SNURF: variants seen among roughly 807,000 people sequenced by gnomAD.
SNURF encodes the protein SNRPN upstream open reading frame.
A neutral mutation model predicts 11.6 loss-of-function variants in SNURF; 6 were observed. That is an observed-to-expected ratio of 0.52 (90% CI 0.28 to 1.02). SNURF has a LOEUF of 1.02. Ranked by LOEUF, SNURF falls within the 50% of genes least tolerant of loss-of-function variation. The probability of loss-of-function intolerance (pLI) is 0.09; values close to 1 mark genes in which losing one functional copy is unlikely to be tolerated. For missense variants in SNURF, 84 were observed against 88.4 expected, an observed-to-expected ratio of 0.95 and a Z score of 0.20; for synonymous variants, 29 against 31.6, an observed-to-expected ratio of 0.92 and a Z score of 0.27.
downstream of SNURF, among the ~76,000 whole-genome samples, chr15:24,973,192 T>TA (rs1355026240): frequency 6.6e-6 from 1 of 151,348 alleles, no homozygotes; most frequent in Non-Finnish European, 1.5e-5. Context: ...CCCAGCCTCT[T>TA]CTCTGTTTAA....
intron 1 of SNURF, among the ~76,000 whole-genome samples, chr15:24,955,656 A>T (rs1402388495): frequency 0.011 from 580 of 54,000 alleles, 4 homozygotes; most frequent in African/African-American, 0.042. Flanking sequence ...GCAGTGGACC[A>T]GGGGGATGAG....
downstream of SNURF, chr15:24,968,737 T>C (rs2076017816): frequency 6.6e-6 from 1 of 152,154 alleles, no homozygotes; most frequent in Admixed American, 6.5e-5. Flanking sequence ...TTCCTTTTTG[T>C]TTTGTCTTTT....
At chr15:24,961,619 A>C (rs570040688) in intron 1 of SNURF, among the ~76,000 whole-genome samples, 24 of 152,266 alleles carry the variant, frequency 1.6e-4, no homozygotes, top group African/African-American at 5.8e-4. Flanking sequence ...TGCTTTGCAA[A>C]TCCTAAAGAA....
chr15:24,974,421 A>G, intron 3 of SNURF: 1 of 1,611,696 alleles, frequency 6.2e-7, no homozygotes, highest in Non-Finnish European at 8.5e-7. Context: ...TCAAGTTTTA[A>G]CTGTGGACAT....
At chr15:24,969,522 G>A (rs75248482), downstream of SNURF, among the ~76,000 whole-genome samples, 3,330 of 152,230 alleles carry the variant, frequency 0.022, 128 homozygotes, top group African/African-American at 0.076. Flanking sequence ...AATTGCATAA[G>A]CAAATTGGAA....
chr15:24,960,136 A>G (rs1844954678), intron 1 of SNURF, among the ~76,000 whole-genome samples: 1 of 151,134 alleles, frequency 6.6e-6, no homozygotes, highest in Non-Finnish European at 1.5e-5. Flanking sequence ...GTGGTGGTGC[A>G]TGCCTGTAAT....
At chr15:24,959,047 T>A (rs1211830587) in intron 1 of SNURF, among the ~76,000 whole-genome samples, 3 of 152,198 alleles carry the variant, frequency 2.0e-5, no homozygotes, top group Non-Finnish European at 2.9e-5. Flanking sequence ...CTTGAGATCT[T>A]AGTTAAATTT....
intron 1 of SNURF, among the ~76,000 whole-genome samples, chr15:24,959,756 A>T (rs993366520): frequency 6.6e-6 from 1 of 152,156 alleles, no homozygotes; most frequent in African/African-American, 2.4e-5. Flanking sequence ...TGGATATATC[A>T]TATTTTCTTC....
chr15:24,967,238 T>G (rs2075770605), intron 2 of SNURF: 1 of 152,346 alleles, frequency 6.6e-6, no homozygotes, highest in Admixed American at 6.5e-5. Context: ...ATTTCTAGAC[T>G]TGGTAAGTAT....
intron 1 of SNURF, among the ~76,000 whole-genome samples, chr15:24,958,486 G>GTTTTTTTTTTTTTTTT (rs71127030): frequency 3.1e-5 from 2 of 65,284 alleles, no homozygotes; most frequent in Non-Finnish European, 5.4e-5. Flanking sequence ...CTGGCTCAAA[G>GTTTTTTTTTTTTTTTT]TTTTTTTTTT....
downstream of SNURF, among the ~76,000 whole-genome samples, chr15:24,969,424 C>T (rs369613074): frequency 8.2e-4 from 125 of 152,276 alleles, no homozygotes; most frequent in African/African-American, 2.6e-3. Flanking sequence ...CTACCGCGCC[C>T]GGCCCATTTT....
rs751683227 is a variant in SNURF, at chr15:24,967,981, G to A, written c.160G>A (p.Asp54Asn). The change falls in exon 3 of 3, where the codon GAT (aspartate) becomes AAT (asparagine). Residue 54 changes from aspartate to asparagine, a missense_variant. Coordinates refer to ENST00000577949, the Ensembl canonical transcript of SNURF. ...TCAGCAGCAGCAAGTACCTGTGGTG[G>A]ATTTCCAGGCTGAACTGAGGCAGGC... 2.5e-6 allele frequency: 4 copies of A among 1,614,142 alleles called. No individual in the cohort carries two copies. The East Asian group carries it at 8.9e-5, about 36-fold the overall frequency.
chr15:24,962,233 C>T (rs375201041), intron 2 of SNURF, 24 bp downstream of exon 2: 1 of 1,582,048 alleles, frequency 6.3e-7, no homozygotes, highest in Non-Finnish European at 8.7e-7. Flanking sequence ...GTGTTGGGAA[C>T]AAATGCAAGT....
intron 6 of SNURF, chr15:24,977,692 A>T (rs977591924): frequency 3.1e-6 from 4 of 1,294,380 alleles, no homozygotes; most frequent in Non-Finnish European, 4.2e-6. Context: ...TTTGTAACTA[A>T]TTGGTCATTT....
At chr15:24,975,652 T>C in intron 4 of SNURF, 1 of 667,796 alleles carries the variant, frequency 1.5e-6, no homozygotes, top group Non-Finnish European at 2.6e-6. Flanking sequence ...CCTCTTGACC[T>C]GATCTCTGAA....
chr15:24,955,172 G>T (rs2062632413), intron 1 of SNURF, 110 bp downstream of exon 1: 5 of 1,445,778 alleles, frequency 3.5e-6, no homozygotes, highest in Middle Eastern at 4.1e-4. Context: ...ACGGAATTTG[G>T]GCCCTAAAGT....
At chr15:24,955,904 G>A (rs1566950246) in intron 1 of SNURF, among the ~76,000 whole-genome samples, 1 of 151,974 alleles carries the variant, frequency 6.6e-6, no homozygotes, top group African/African-American at 2.4e-5. Flanking sequence ...GTGACTAAGG[G>A]ACGCTGAATG....
At chr15:24,963,049 C>T (rs1435791866) in intron 2 of SNURF, among the ~76,000 whole-genome samples, 5 of 152,132 alleles carry the variant, frequency 3.3e-5, no homozygotes, top group Middle Eastern at 3.4e-3. Context: ...AGTAAATAGC[C>T]ATCAGACCTT....
intron 2 of SNURF, among the ~76,000 whole-genome samples, chr15:24,967,558 C>T (rs752201013): frequency 3.3e-5 from 5 of 151,680 alleles, no homozygotes; most frequent in African/African-American, 4.8e-5. Flanking sequence ...TGGAGAATGG[C>T]GTGAACCCAG....
Sources: gnomAD v4.1 joint callset for allele counts (sites outside exome capture counted in the v4.1 genomes callset) on GRCh38, gnomAD v4.1.1 for gene constraint, MANE v1.5 for transcripts, NCBI Gene and HGNC (gene_info 2026-07-23, HGNC 2026-07-21) for gene names.